The following PTPRM variants were observed in gnomAD, a reference collection of about 807,000 sequenced individuals.
The protein encoded by PTPRM is protein tyrosine phosphatase receptor type M.
Under a neutral mutation model 186.7 loss-of-function variants are expected in PTPRM, and 47 were observed. That is an observed-to-expected ratio of 0.25 (90% confidence interval 0.20 to 0.32). PTPRM has a LOEUF of 0.32. Among genes scored for constraint, PTPRM ranks in the 10% least tolerant of loss-of-function variants. PTPRM has a pLI of 1.00. For synonymous variants in PTPRM, 668 were observed against 674.9 expected (o/e 0.99, Z 0.16); for missense variants, 1,494 against 1,865.0 (o/e 0.80, Z 3.66).
chr18:7,811,963 A>T (rs694096), intron 2 of PTPRM, among the ~76,000 whole-genome samples: 2,099 of 152,140 alleles, frequency 0.014, 54 homozygotes, highest in African/African-American at 0.046. Flanking sequence ...GTTTTCCAGG[A>T]TATGTTATTG....
chr18:8,320,988 A>G (rs771886867), intron 22 of PTPRM, among the ~76,000 whole-genome samples: 4 of 152,192 alleles, frequency 2.6e-5, no homozygotes, highest in Admixed American at 1.3e-4. Flanking sequence ...ACAAGGATGC[A>G]TGTCAGAGTC....
intron 1 of PTPRM, among the ~76,000 whole-genome samples, chr18:7,708,372 A>G (rs555539202): frequency 3.6e-4 from 55 of 152,338 alleles, no homozygotes; most frequent in Non-Finnish European, 6.3e-4. Context: ...AAGACTGAAA[A>G]CTATAATCAA....
intron 1 of PTPRM, among the ~76,000 whole-genome samples, chr18:7,582,443 G>A (rs555148338): frequency 2.0e-4 from 30 of 152,292 alleles, no homozygotes; most frequent in Non-Finnish European, 3.7e-4. Context: ...GGAAGAGTAC[G>A]TTGTCACTTC....
intron 14 of PTPRM, among the ~76,000 whole-genome samples, chr18:8,185,413 CT>C (rs1201924281): frequency 2.6e-5 from 4 of 152,226 alleles, no homozygotes; most frequent in Non-Finnish European, 1.5e-5. Flanking sequence ...AGCTGATCAC[CT>C]TGCTCGGGGT....
In PTPRM at chr18:8,093,483, GA is replaced by G. The variant is rs148411718; in HGVS notation, c.1856+4637del. On this transcript the variant is annotated intron_variant, in intron 11 of 32. Transcript: ENST00000580170. The stretch of plus-strand genomic sequence containing the variant: ...TATCATGAAAAATCTAATTTTACAT[GA>G]AAAATATAATTATTTCCTCTATCAA... Among the ~76,000 whole-genome samples the G allele has an allele frequency of 7.8e-3, 1,184 of 152,090 alleles. 12 individuals carry two copies. Among genetic ancestry groups the G allele is most frequent in the African/African-American group, 0.027 (1,116 of 41,484 alleles).
At position 8,126,027 on chromosome 18, in the gene PTPRM, A is replaced by ATTTTTTTTTTTTT. The variant is rs752110255; in HGVS notation, c.2167+11204_2167+11205insTTTTTTTTTTTTT. Among the ~76,000 whole-genome samples, 89 of 69,518 alleles carry ATTTTTTTTTTTTT rather than the reference A, an allele frequency of 1.3e-3. 6 individuals are homozygous for ATTTTTTTTTTTTT. Among genetic ancestry groups the ATTTTTTTTTTTTT allele is most frequent in the South Asian group, 3.9e-3 (7 of 1,802 alleles). 45.6% of individuals were successfully genotyped at this position (69,518 alleles called of 152,430 possible). On this transcript the variant is annotated intron_variant, in intron 13 of 32. Coordinates refer to ENST00000580170, the MANE Select transcript of PTPRM (RefSeq NM_001105244.2). The stretch of plus-strand genomic sequence containing the variant: ...TATATATATATATATATATATATAT[A>ATTTTTTTTTTTTT]TTTTAAATCAGTAGACCTTTCCATT...
Position 7,644,259 on chromosome 18 carries a change from T to A in PTPRM, c.73+76368T>A, listed in dbSNP as rs78655015. On this transcript the variant is annotated intron_variant, in intron 1 of 32. Transcript: ENST00000580170. ...TATAATAGATTGTTAGATACTATAT[T>A]ACCTTTACTTAAAGAGAAAGATGCT... is the stretch of plus-strand genomic sequence containing the variant. 2.7e-3 allele frequency among the ~76,000 whole-genome samples: 410 copies of A among 152,310 alleles called. 11 individuals are homozygous for A. The East Asian group carries it at 0.072, about 27-fold the overall frequency.
intron 5 of PTPRM, among the ~76,000 whole-genome samples, chr18:7,947,863 C>T (rs953639141): frequency 9.9e-5 from 15 of 152,114 alleles, no homozygotes; most frequent in African/African-American, 3.6e-4. Flanking sequence ...TATGTATTCA[C>T]TCTAAACCTA....
At chr18:8,395,069 A>G (rs2095839205) in intron 32 of PTPRM, among the ~76,000 whole-genome samples, 2 of 152,228 alleles carry the variant, frequency 1.3e-5, no homozygotes, top group Non-Finnish European at 2.9e-5. Context: ...TATCTGAGAA[A>G]AGTATTAAAG....
chr18:7,991,821 G>GCCT (rs1293389981), intron 7 of PTPRM, among the ~76,000 whole-genome samples: 2 of 152,114 alleles, frequency 1.3e-5, no homozygotes, highest in African/African-American at 4.8e-5. Flanking sequence ...TAAGTTATGG[G>GCCT]ATGTGAGTAG....
intron 4 of PTPRM, 58 bp from the exon 5 acceptor site, chr18:7,926,510 A>G: frequency 1.5e-6 from 2 of 1,339,572 alleles, no homozygotes; most frequent in Non-Finnish European, 1.0e-6. Context: ...ATTGAAGAAG[A>G]CATATATTAG....
intron 1 of PTPRM, among the ~76,000 whole-genome samples, chr18:7,713,723 G>C (rs565589878): frequency 2.7e-4 from 41 of 149,254 alleles, no homozygotes; most frequent in Non-Finnish European, 4.7e-4. Flanking sequence ...AGGAGGGGTC[G>C]CAATCCTGGT....
intron 32 of PTPRM, among the ~76,000 whole-genome samples, chr18:8,400,023 C>G (rs969428915): frequency 2.0e-5 from 3 of 152,158 alleles, no homozygotes; most frequent in Non-Finnish European, 4.4e-5. Context: ...GGTGGTAAAG[C>G]AGTGCATGCT....
chr18:7,714,608 A>G (rs1002605576), intron 1 of PTPRM, among the ~76,000 whole-genome samples: 1 of 146,656 alleles, frequency 6.8e-6, no homozygotes, highest in African/African-American at 2.6e-5. Flanking sequence ...TCAACAAAAT[A>G]GATAGACCAC....
chr18:8,239,241 C>T (rs1377412821), intron 14 of PTPRM, among the ~76,000 whole-genome samples: 2 of 145,060 alleles, frequency 1.4e-5, no homozygotes, highest in Non-Finnish European at 3.0e-5. Flanking sequence ...TGAGAATATG[C>T]GGTGTTTGGT....
At chr18:8,153,944 C>T (rs2093065774) in intron 14 of PTPRM, among the ~76,000 whole-genome samples, 1 of 152,208 alleles carries the variant, frequency 6.6e-6, no homozygotes, top group East Asian at 1.9e-4. Flanking sequence ...AAGACCTTCT[C>T]AATTCCAAAA....
At chr18:8,350,767 C>A (rs1182727516) in intron 23 of PTPRM, among the ~76,000 whole-genome samples, 1 of 152,182 alleles carries the variant, frequency 6.6e-6, no homozygotes, top group Admixed American at 6.5e-5. Context: ...TATTTCCCAG[C>A]ATTCTCTTAC....
chr18:8,344,533 A>C (rs553102206), intron 23 of PTPRM, among the ~76,000 whole-genome samples: 15 of 151,016 alleles, frequency 9.9e-5, no homozygotes, highest in Non-Finnish European at 1.9e-4. Flanking sequence ...GAAATTCTAG[A>C]TAAAAATATA....
chr18:8,153,289 T>G (rs1423278257), intron 14 of PTPRM, among the ~76,000 whole-genome samples: 1 of 152,226 alleles, frequency 6.6e-6, no homozygotes, highest in Non-Finnish European at 1.5e-5. Flanking sequence ...CCTAGCTAAA[T>G]GTCAACTAAT....
Sources: allele counts gnomAD v4.1 joint callset (sites outside exome capture counted in the v4.1 genomes callset), GRCh38; gene constraint gnomAD v4.1.1; transcripts MANE v1.5; gene names NCBI Gene and HGNC (gene_info 2026-07-23, HGNC 2026-07-21).